The following USP6NL variants were observed in gnomAD, a reference collection of about 807,000 sequenced individuals.
USP6NL encodes USP6 N-terminal-like protein.
A neutral mutation model predicts 61.9 loss-of-function variants in USP6NL; 26 were observed. That is an observed-to-expected ratio of 0.42 (90% CI 0.31 to 0.58). The LOEUF (loss-of-function observed/expected upper bound fraction) is 0.58, where lower values mean the gene tolerates loss of function less well. Ranked by LOEUF, USP6NL falls within the 20% of genes least tolerant of loss-of-function variation. The pLI, the probability that USP6NL is intolerant of heterozygous loss-of-function variation, is 0.16. For missense variants in USP6NL, 1,114 were observed against 1,034.3 expected, an observed-to-expected ratio of 1.08 and a Z score of -1.06; for synonymous variants, 432 against 390.1, an observed-to-expected ratio of 1.11 and a Z score of -1.27.
chr10:11,493,285 T>C, intron 7 of USP6NL, 57 bp from the exon 8 acceptor site: 1 of 1,418,096 alleles, frequency 7.1e-7, no homozygotes, highest in Non-Finnish European at 9.6e-7. Context: ...TGTTGAAAAC[T>C]CTATGACAAA....
At chr10:11,512,567 G>A (rs1398198312) in intron 5 of USP6NL, among the ~76,000 whole-genome samples, 1 of 152,158 alleles carries the variant, frequency 6.6e-6, no homozygotes, top group African/African-American at 2.4e-5. Flanking sequence ...CAGCACACAT[G>A]AGCAGCCTTT....
chr10:11,505,123 G>C (rs547609479), intron 6 of USP6NL, among the ~76,000 whole-genome samples: 5 of 152,220 alleles, frequency 3.3e-5, no homozygotes, highest in African/African-American at 9.6e-5. Context: ...ACAGAAGAAA[G>C]GAGGAACTAA....
At position 11,501,172 on chromosome 10, in the gene USP6NL, G is replaced by C. The variant is rs753335043; in HGVS notation, c.313C>G (p.Leu105Val). ...RRIYKGIPLQ[L>V]RGEVWALLLE... is the part of the protein sequence containing the mutation. ...AGGAGGGCCCAGACTTCACCTCTGAGCTGGAGTGGTATTCCTTTGTAAATT... is the reference window on the plus strand; with the variant it reads ...AGGAGGGCCCAGACTTCACCTCTGACCTGGAGTGGTATTCCTTTGTAAATT... Residue 105 changes from leucine (L) to valine (V), a missense_variant, in exon 7 of 15, where the codon CTC (leucine) becomes GTC (valine). Physicochemically the swap from Leu to Val is conservative, Grantham distance 32. Transcript: ENST00000609104. The C allele has an allele frequency of 1.1e-5, 17 of 1,612,860 alleles. No individual in the cohort carries two copies. The South Asian group carries it at 1.7e-4, about 16-fold the overall frequency.
At position 11,460,941 on chromosome 10, in the gene USP6NL, G is replaced by A. The variant is rs1211182806; in HGVS notation, c.*1500C>T. 3 of 152,020 alleles carry A rather than the reference G, an allele frequency of 2.0e-5. No homozygotes were observed. Among genetic ancestry groups the A allele is most frequent in the Admixed American group, 6.6e-5 (1 of 15,252 alleles). 9.4% of individuals were successfully genotyped at this position (152,020 alleles called of 1,614,324 possible). ...TGCTATTTAATAACATCATTACCAA[G>A]TTGATCAAAATTACATTAGACTCAT... On this transcript the variant is annotated 3_prime_UTR_variant, in exon 15 of 15. Coordinates refer to ENST00000609104, the MANE Select transcript of USP6NL (RefSeq NM_014688.5).
Position 11,525,980 on chromosome 10 carries a change from G to A in USP6NL, c.73-512C>T, listed in dbSNP as rs937692422. 6.6e-6 allele frequency among the ~76,000 whole-genome samples: 1 copy of A among 152,166 alleles called. No homozygotes were observed. Among genetic ancestry groups the A allele is most frequent in the Non-Finnish European group, 1.5e-5 (1 of 68,024 alleles). On this transcript the variant is annotated intron_variant, in intron 3 of 14. Coordinates refer to ENST00000609104, the MANE Select transcript of USP6NL (RefSeq NM_014688.5). This position sits in a 1 kb window ranked among gnomAD's most constrained non-coding sequence, Gnocchi z 5.0. ...GTCAAAAATGACCTTCCAGCAGTCA[G>A]ACCTGCTGCACGCTCTTCAGGCCTC...
At chr10:11,577,909 G>A (rs1412157090) in intron 2 of USP6NL, among the ~76,000 whole-genome samples, 1 of 151,630 alleles carries the variant, frequency 6.6e-6, no homozygotes, top group African/African-American at 2.4e-5. Flanking sequence ...AATTCTTCTG[G>A]TTTTCTCTAC....
At chr10:11,480,440 A>C (rs1485234438) in intron 14 of USP6NL, among the ~76,000 whole-genome samples, 1 of 152,246 alleles carries the variant, frequency 6.6e-6, no homozygotes, top group Non-Finnish European at 1.5e-5. Context: ...GTATTTAAAA[A>C]TAAATGATAG....
At chr10:11,579,735 C>T (rs1837675451) in intron 2 of USP6NL, among the ~76,000 whole-genome samples, 1 of 152,200 alleles carries the variant, frequency 6.6e-6, no homozygotes, top group Non-Finnish European at 1.5e-5. Context: ...AAGTTATTTT[C>T]CTGCCCCAGA....
intron 2 of USP6NL, among the ~76,000 whole-genome samples, chr10:11,546,224 C>T (rs1384700819): frequency 2.6e-5 from 4 of 152,168 alleles, no homozygotes. Context: ...GTGTTCACCA[C>T]AGGACCATAC....
chr10:11,603,251 C>T (rs1450161979), intron 1 of USP6NL, among the ~76,000 whole-genome samples: 3 of 152,094 alleles, frequency 2.0e-5, no homozygotes, highest in Non-Finnish European at 2.9e-5. Context: ...TTATCAAATC[C>T]GAGTAGGTTT....
chr10:11,584,080 T>A (rs1403851690), intron 2 of USP6NL, among the ~76,000 whole-genome samples: 2 of 151,942 alleles, frequency 1.3e-5, no homozygotes, highest in African/African-American at 4.8e-5. Flanking sequence ...CTGGGTGTGG[T>A]GGCGTGTGCC....
At chr10:11,578,603 C>CT (rs1837635641) in intron 2 of USP6NL, among the ~76,000 whole-genome samples, 2 of 150,738 alleles carry the variant, frequency 1.3e-5, no homozygotes, top group South Asian at 2.1e-4. Flanking sequence ...GAGTGAGACT[C>CT]TATCTCTAAA....
intron 2 of USP6NL, among the ~76,000 whole-genome samples, chr10:11,569,090 A>C (rs995167118): frequency 1.3e-5 from 2 of 152,250 alleles, no homozygotes; most frequent in African/African-American, 4.8e-5. Flanking sequence ...TTTGTAAATA[A>C]AGAACTACAA....
chr10:11,574,868 T>C lies in USP6NL; in HGVS notation c.4+22763A>G, dbSNP rs966660029. Among the ~76,000 whole-genome samples the C allele has an allele frequency of 2.2e-4, 34 of 152,186 alleles. No homozygotes were observed. Among genetic ancestry groups the C allele is most frequent in the African/African-American group, 7.5e-4 (31 of 41,446 alleles). On this transcript the variant is annotated intron_variant, in intron 2 of 14. Transcript: ENST00000609104. This position sits in a 1 kb window ranked among gnomAD's most constrained non-coding sequence, Gnocchi z 4.3. ...GGTTACAAGTAAACCGATCCAAAAA[T>C]CAGCCTTCTGCTTTCTCTCCAGCAA...
At chr10:11,492,064 C>T (rs1403186910) in intron 8 of USP6NL, among the ~76,000 whole-genome samples, 1 of 152,206 alleles carries the variant, frequency 6.6e-6, no homozygotes, top group Admixed American at 6.5e-5. Flanking sequence ...CTTTATACCA[C>T]AGTGTGTAAG....
intron 2 of USP6NL, among the ~76,000 whole-genome samples, chr10:11,527,935 T>G (rs1246183247): frequency 6.6e-6 from 1 of 152,100 alleles, no homozygotes; most frequent in Admixed American, 6.5e-5. Flanking sequence ...AAAACGGCTT[T>G]TAAAAAGTAA....
Position 11,485,621 on chromosome 10 carries a change from A to G in USP6NL, c.759+196T>C, listed in dbSNP as rs916981116. 3.3e-5 allele frequency among the ~76,000 whole-genome samples: 5 copies of G among 152,210 alleles called. No individual in the cohort carries two copies. The highest frequency in any genetic ancestry group is 2.6e-4 in the Admixed American group (4 of 15,284). ...TTCAAAGAAGTTCAAATCCCTCAGT[A>G]AGAACTGTGATAGCCTGTCAATATT... is the stretch of plus-strand genomic sequence containing the variant. On this transcript the variant is annotated intron_variant, in intron 11 of 14. Transcript: ENST00000609104. The surrounding 1 kb of genome is among the most constrained non-coding windows in gnomAD (Gnocchi z 4.8).
intron 2 of USP6NL, among the ~76,000 whole-genome samples, chr10:11,584,835 G>A (rs2133619275): frequency 6.6e-6 from 1 of 152,190 alleles, no homozygotes; most frequent in South Asian, 2.1e-4. Flanking sequence ...CTACATGAGA[G>A]GCTGAGGTGG....
rs192455241 is a variant in USP6NL at position 11,596,796 on chromosome 10, G to A, written c.4+835C>T. On this transcript the variant is annotated intron_variant, in intron 2 of 14. Transcript: ENST00000609104. This position sits in a 1 kb window ranked among gnomAD's most constrained non-coding sequence, Gnocchi z 4.1. ...CACTCCAATATTTTACAACAGCAGC[G>A]TCATTTTCACTTATCTACTGCCTAA... Among the ~76,000 whole-genome samples the A allele has an allele frequency of 5.9e-5, 9 of 152,042 alleles. No homozygotes were observed. The highest frequency in any genetic ancestry group is 2.1e-4 in the South Asian group (1 of 4,826).
Sources: allele counts gnomAD v4.1 joint callset (sites outside exome capture counted in the v4.1 genomes callset), GRCh38; gene constraint gnomAD v4.1.1; non-coding constraint Gnocchi (gnomAD v3.1); transcripts MANE v1.5; gene names NCBI Gene and HGNC (gene_info 2026-07-23, HGNC 2026-07-21).